Variants in PTPRG observed in about 807,000 individuals in gnomAD.
PTPRG encodes the protein receptor-type tyrosine-protein phosphatase gamma.
In PTPRG, 102 loss-of-function variants were observed where a neutral mutation model predicts 165.3. The ratio of observed to expected loss-of-function variants is 0.62; its 90% confidence interval spans 0.53 to 0.73. The LOEUF (loss-of-function observed/expected upper bound fraction) is 0.73, where lower values mean the gene tolerates loss of function less well. PTPRG is among the 30% of genes least tolerant of loss of function. The probability of loss-of-function intolerance (pLI) is 0.00; values close to 1 mark genes in which losing one functional copy is unlikely to be tolerated. For missense variants in PTPRG, 1,866 were observed against 1,861.4 expected (o/e 1.00, Z -0.05); for synonymous variants, 675 against 669.5 (o/e 1.01, Z -0.13).
chr3:62,130,830 C>T (rs147517536), intron 5 of PTPRG, among the ~76,000 whole-genome samples: 142 of 152,276 alleles, frequency 9.3e-4, no homozygotes, highest in African/African-American at 3.3e-3. Context: ...GAATGTTTCA[C>T]GCTTCAGTCC....
intron 2 of PTPRG, among the ~76,000 whole-genome samples, chr3:61,753,346 A>G (rs1010843794): frequency 2.6e-5 from 4 of 152,224 alleles, no homozygotes; most frequent in Non-Finnish European, 4.4e-5. Context: ...GAAAAAATGC[A>G]GTAGTTTAAT....
intron 4 of PTPRG, among the ~76,000 whole-genome samples, chr3:62,064,913 T>C (rs1253682806): frequency 6.6e-6 from 1 of 151,942 alleles, no homozygotes; most frequent in African/African-American, 2.4e-5. Context: ...TTGTATTTTT[T>C]AGTAAAGATG....
intron 5 of PTPRG, among the ~76,000 whole-genome samples, chr3:62,103,355 T>G (rs1377855850): frequency 6.6e-6 from 1 of 151,630 alleles, no homozygotes; most frequent in Non-Finnish European, 1.5e-5. Context: ...CCACCAGTGC[T>G]AAGCAGGGTT....
At chr3:61,858,921 G>A (rs1416287572) in intron 2 of PTPRG, among the ~76,000 whole-genome samples, 2 of 152,094 alleles carry the variant, frequency 1.3e-5, no homozygotes, top group African/African-American at 4.8e-5. Flanking sequence ...AAAAATAAAT[G>A]CTCTCCGTTT....
At chr3:62,147,557 G>A (rs1370702749) in intron 6 of PTPRG, among the ~76,000 whole-genome samples, 1 of 152,130 alleles carries the variant, frequency 6.6e-6, no homozygotes, top group Non-Finnish European at 1.5e-5. Flanking sequence ...TGTTTAATTA[G>A]CAACATGTTT....
chr3:61,848,090 G>A (rs1347165530), intron 2 of PTPRG, among the ~76,000 whole-genome samples: 2 of 152,346 alleles, frequency 1.3e-5, no homozygotes, highest in Admixed American at 6.5e-5. Context: ...AGCCTTTCCT[G>A]GTTTTGAGCT....
chr3:62,107,485 T>TCAC (rs1702513081), intron 5 of PTPRG, among the ~76,000 whole-genome samples: 3 of 152,218 alleles, frequency 2.0e-5, no homozygotes, highest in Non-Finnish European at 4.4e-5. Flanking sequence ...GGCAATAACC[T>TCAC]GCTAACTTGA....
intron 4 of PTPRG, among the ~76,000 whole-genome samples, chr3:62,023,470 T>G (rs1420161809): frequency 6.6e-6 from 1 of 152,160 alleles, no homozygotes; most frequent in Non-Finnish European, 1.5e-5. Context: ...CTCCAGTCAT[T>G]TTTCTTCTAA....
In PTPRG at chr3:61,908,589, A is replaced by G. The variant is rs563350266; in HGVS notation, c.191-81036A>G. ...TCAATCCTGTATAATTTAGTGACTC[A>G]GTGCAGCAATAAACCCTGGAACCTT... On this transcript the variant is annotated intron_variant, in intron 2 of 29. Coordinates refer to ENST00000474889, the MANE Select transcript of PTPRG (RefSeq NM_002841.4). Among the ~76,000 whole-genome samples the G allele has an allele frequency of 6.6e-5, 10 of 152,240 alleles. No individual in the cohort carries two copies. The East Asian group carries it at 1.4e-3, about 21-fold the overall frequency.
chr3:62,006,430 A>G (rs1395946792), intron 4 of PTPRG, among the ~76,000 whole-genome samples: 2 of 152,184 alleles, frequency 1.3e-5, no homozygotes, highest in South Asian at 2.1e-4. Context: ...CGATTTTTAT[A>G]CTATTTGAGC....
At chr3:62,244,834 G>C (rs1006241933) in intron 15 of PTPRG, among the ~76,000 whole-genome samples, 2 of 152,166 alleles carry the variant, frequency 1.3e-5, no homozygotes, top group Non-Finnish European at 2.9e-5. Flanking sequence ...TATTCTTTAA[G>C]TACTTACATG....
At chr3:61,999,830 T>G (rs959078690) in intron 3 of PTPRG, among the ~76,000 whole-genome samples, 4 of 152,174 alleles carry the variant, frequency 2.6e-5, no homozygotes, top group Non-Finnish European at 5.9e-5. Context: ...TGCTTATTCT[T>G]GAGTAAAAGT....
At chr3:61,696,200 C>T (rs1435394216) in intron 1 of PTPRG, among the ~76,000 whole-genome samples, 1 of 152,052 alleles carries the variant, frequency 6.6e-6, no homozygotes, top group Non-Finnish European at 1.5e-5. Context: ...GAGTACATAT[C>T]TATTAAAAAA....
At chr3:61,774,255 A>G (rs1390776233) in intron 2 of PTPRG, among the ~76,000 whole-genome samples, 1 of 152,196 alleles carries the variant, frequency 6.6e-6, no homozygotes, top group East Asian at 1.9e-4. Context: ...AGAATGGGAG[A>G]CATTCATGCT....
At chr3:61,972,545 G>A (rs983136909) in intron 2 of PTPRG, among the ~76,000 whole-genome samples, 1 of 152,144 alleles carries the variant, frequency 6.6e-6, no homozygotes, top group African/African-American at 2.4e-5. Flanking sequence ...TTCTAGGACA[G>A]GTGATCCAGC....
At chr3:61,982,435 T>A (rs115361166) in intron 2 of PTPRG, among the ~76,000 whole-genome samples, 2 of 152,154 alleles carry the variant, frequency 1.3e-5, no homozygotes, top group African/African-American at 2.4e-5. Flanking sequence ...TTGAAAGATA[T>A]AACTTTTAAA....
In PTPRG at chr3:62,190,127, T is replaced by C. The variant is rs539920697; in HGVS notation, c.1034-1342T>C. On this transcript the variant is annotated intron_variant, in intron 8 of 29. Coordinates refer to ENST00000474889, the MANE Select transcript of PTPRG (RefSeq NM_002841.4). The surrounding 1 kb of genome is among the most constrained non-coding windows in gnomAD (Gnocchi z 5.2). ...GATTCTTTGGTGAGCCTCCATCTCT[T>C]AGAGTGGAGGTTCTCAGCCGAAGGT... Among the ~76,000 whole-genome samples, 71 of 152,236 alleles carry C rather than the reference T, an allele frequency of 4.7e-4. No homozygotes were observed. The highest frequency in any genetic ancestry group is 1.6e-3 in the African/African-American group (66 of 41,550).
At chr3:61,659,312 C>T in intron 1 of PTPRG, 1 of 985,320 alleles carries the variant, frequency 1.0e-6, no homozygotes, top group Non-Finnish European at 1.2e-6. Flanking sequence ...GGTGCAAGTC[C>T]AAACAGTGCT....
chr3:61,728,903 AAG>A (rs2032373896), intron 1 of PTPRG, among the ~76,000 whole-genome samples: 1 of 151,232 alleles, frequency 6.6e-6, no homozygotes, highest in Non-Finnish European at 1.5e-5. Flanking sequence ...GAAAGAAAGA[AAG>A]AAAAAAATTA....
Sources: allele counts gnomAD v4.1 joint callset (sites outside exome capture counted in the v4.1 genomes callset), GRCh38; gene constraint gnomAD v4.1.1; non-coding constraint Gnocchi (gnomAD v3.1); transcripts MANE v1.5; gene names NCBI Gene and HGNC (gene_info 2026-07-23, HGNC 2026-07-21).